The following HS6ST3 variants were observed in gnomAD, a reference collection of about 807,000 sequenced individuals.
The protein encoded by HS6ST3 is heparan sulfate 6-O-sulfotransferase 3.
In HS6ST3, 12 loss-of-function variants were observed where a neutral mutation model predicts 36.7. The ratio of observed to expected loss-of-function variants is 0.33; its 90% confidence interval spans 0.21 to 0.53. The LOEUF (loss-of-function observed/expected upper bound fraction) is 0.53, where lower values mean the gene tolerates loss of function less well. HS6ST3 is among the 20% of genes least tolerant of loss of function. The pLI, the probability that HS6ST3 is intolerant of heterozygous loss-of-function variation, is 0.95. For missense variants in HS6ST3, 584 were observed against 640.9 expected (o/e 0.91, Z 0.96); for synonymous variants, 240 against 257.5 (o/e 0.93, Z 0.65).
chr13:96,731,056 A>G (rs892291603), intron 1 of HS6ST3, among the ~76,000 whole-genome samples: 8 of 152,220 alleles, frequency 5.3e-5, no homozygotes, highest in African/African-American at 1.7e-4. Flanking sequence ...CAGTTAACAT[A>G]AACATTACCT....
chr13:96,246,525 T>G (rs2139375199), intron 1 of HS6ST3, among the ~76,000 whole-genome samples: 1 of 152,260 alleles, frequency 6.6e-6, no homozygotes, highest in South Asian at 2.1e-4. Flanking sequence ...TTTACCCTGG[T>G]TTTTAGATTA....
intron 1 of HS6ST3, among the ~76,000 whole-genome samples, chr13:96,694,235 G>C (rs1354939627): frequency 6.6e-6 from 1 of 151,972 alleles, no homozygotes; most frequent in Non-Finnish European, 1.5e-5. Flanking sequence ...TCATTATTTA[G>C]CTCCCACTTA....
intron 1 of HS6ST3, among the ~76,000 whole-genome samples, chr13:96,405,270 C>G (rs1400783266): frequency 6.6e-6 from 1 of 152,128 alleles, no homozygotes; most frequent in Non-Finnish European, 1.5e-5. Flanking sequence ...ATCATTTGTA[C>G]AAATATTTGA....
intron 1 of HS6ST3, among the ~76,000 whole-genome samples, chr13:96,423,676 G>A (rs2055572120): frequency 6.6e-6 from 1 of 152,048 alleles, no homozygotes; most frequent in Non-Finnish European, 1.5e-5. Context: ...CAGGAGGCCA[G>A]TGTGGCTGGA....
intron 1 of HS6ST3, among the ~76,000 whole-genome samples, chr13:96,817,002 ACGCCCT>A (rs1450066417): frequency 1.3e-5 from 2 of 152,038 alleles, no homozygotes; most frequent in Non-Finnish European, 2.9e-5. Flanking sequence ...GAAAATTAAA[ACGCCCT>A]CTTGAATTCC....
chr13:96,353,467 GTCAA>G (rs140272618), intron 1 of HS6ST3, among the ~76,000 whole-genome samples: 4,431 of 152,040 alleles, frequency 0.029, 106 homozygotes, highest in Non-Finnish European at 0.047. Flanking sequence ...TTAAGCTAGA[GTCAA>G]TCATTCTTTA....
At chr13:96,487,155 A>G (rs1190398948) in intron 1 of HS6ST3, among the ~76,000 whole-genome samples, 3 of 152,152 alleles carry the variant, frequency 2.0e-5, no homozygotes, top group Non-Finnish European at 4.4e-5. Flanking sequence ...TTACAGAAGT[A>G]TAAAAAGGAG....
At chr13:96,105,191 A>G (rs1007866704) in intron 1 of HS6ST3, among the ~76,000 whole-genome samples, 5 of 152,084 alleles carry the variant, frequency 3.3e-5, no homozygotes, top group Non-Finnish European at 4.4e-5. Flanking sequence ...CCATGATGTG[A>G]CATGGATGTG....
intron 1 of HS6ST3, among the ~76,000 whole-genome samples, chr13:96,478,550 A>C (rs1293504521): frequency 6.6e-6 from 1 of 152,134 alleles, no homozygotes; most frequent in African/African-American, 2.4e-5. Context: ...TTCCTGCTTG[A>C]AATGAAATCT....
At chr13:96,587,972 T>G (rs1428035365) in intron 1 of HS6ST3, among the ~76,000 whole-genome samples, 2 of 152,236 alleles carry the variant, frequency 1.3e-5, no homozygotes, top group Admixed American at 1.3e-4. Flanking sequence ...TTTTACCTGC[T>G]TGGTTAAATT....
At chr13:96,724,374 C>CACAATAACA (rs1875945680) in intron 1 of HS6ST3, among the ~76,000 whole-genome samples, 1 of 152,160 alleles carries the variant, frequency 6.6e-6, no homozygotes, top group Non-Finnish European at 1.5e-5. Flanking sequence ...ATAATTGACA[C>CACAATAACA]ACAATAACAA....
At chr13:96,748,353 T>C (rs527804516) in intron 1 of HS6ST3, among the ~76,000 whole-genome samples, 3 of 152,084 alleles carry the variant, frequency 2.0e-5, no homozygotes, top group South Asian at 4.2e-4. Context: ...ATCCAGGATG[T>C]GGAGTGTTAT....
intron 1 of HS6ST3, among the ~76,000 whole-genome samples, chr13:96,647,049 TTGC>T (rs2056591160): frequency 6.6e-6 from 1 of 151,976 alleles, no homozygotes; most frequent in African/African-American, 2.4e-5. Context: ...TGTTAGATGA[TTGC>T]TGCTTTTTCC....
At chr13:96,312,030 C>T (rs1374449112) in intron 1 of HS6ST3, among the ~76,000 whole-genome samples, 2 of 152,020 alleles carry the variant, frequency 1.3e-5, no homozygotes, top group African/African-American at 4.8e-5. Context: ...CAATGTCTTC[C>T]CCCTCCTGAA....
chr13:96,639,351 G>T (rs2056562031), intron 1 of HS6ST3, among the ~76,000 whole-genome samples: 1 of 151,696 alleles, frequency 6.6e-6, no homozygotes, highest in African/African-American at 2.4e-5. Context: ...AACCACTCAG[G>T]TTCTATTTTT....
chr13:96,548,759 G>A (rs1046641924), intron 1 of HS6ST3, among the ~76,000 whole-genome samples: 1 of 152,188 alleles, frequency 6.6e-6, no homozygotes, highest in African/African-American at 2.4e-5. Flanking sequence ...AAGGTCATCA[G>A]GTCAGACAGG....
intron 1 of HS6ST3, among the ~76,000 whole-genome samples, chr13:96,322,498 A>G (rs2055009411): frequency 1.3e-5 from 2 of 152,096 alleles, no homozygotes; most frequent in African/African-American, 2.4e-5. Flanking sequence ...CGGAGGTTGC[A>G]GTGAGCCGAG....
At chr13:96,503,510 A>G (rs1468684537) in intron 1 of HS6ST3, among the ~76,000 whole-genome samples, 3 of 152,174 alleles carry the variant, frequency 2.0e-5, no homozygotes, top group African/African-American at 7.2e-5. Flanking sequence ...TATTCCTGGA[A>G]CAGCTCTTGG....
chr13:96,105,915 T>G (rs2053839482), intron 1 of HS6ST3, among the ~76,000 whole-genome samples: 1 of 152,200 alleles, frequency 6.6e-6, no homozygotes. Flanking sequence ...CACAACATTT[T>G]AGTTAATTCC....
Sources: allele counts gnomAD v4.1 joint callset (sites outside exome capture counted in the v4.1 genomes callset), GRCh38; gene constraint gnomAD v4.1.1; transcripts MANE v1.5; gene names NCBI Gene and HGNC (gene_info 2026-07-23, HGNC 2026-07-21).